The following ADGRL2 variants were observed in gnomAD, a reference collection of about 807,000 sequenced individuals.
The protein encoded by ADGRL2 is calcium-independent alpha-latrotoxin receptor 2.
A neutral mutation model predicts 157.4 loss-of-function variants in ADGRL2; 44 were observed. That is an observed-to-expected ratio of 0.28 (90% CI 0.22 to 0.36). The LOEUF (loss-of-function observed/expected upper bound fraction) is 0.36. Among genes scored for constraint, ADGRL2 ranks in the 10% least tolerant of loss-of-function variants. ADGRL2 has a pLI of 1.00. For missense variants in ADGRL2, 1,510 were observed against 1,768.9 expected (o/e 0.85, Z 2.63); for synonymous variants, 585 against 624.7 (o/e 0.94, Z 0.95).
chr1:81,964,671 G>T (rs955772869), intron 11 of ADGRL2, among the ~76,000 whole-genome samples: 2 of 152,006 alleles, frequency 1.3e-5, no homozygotes, highest in Non-Finnish European at 2.9e-5. Context: ...CTGTACAATG[G>T]TATGAGATGA....
chr1:81,456,101 A>G (rs2077799544), intron 2 of ADGRL2, among the ~76,000 whole-genome samples: 1 of 152,234 alleles, frequency 6.6e-6, no homozygotes, highest in Admixed American at 6.5e-5. Flanking sequence ...GCACTCTTAC[A>G]ATTTATTGCT....
At chr1:81,517,395 G>T (rs1316950892) in intron 2 of ADGRL2, among the ~76,000 whole-genome samples, 1 of 149,964 alleles carries the variant, frequency 6.7e-6, no homozygotes, top group Non-Finnish European at 1.5e-5. Context: ...AACCTGGGAG[G>T]TGGAGGTTGC....
chr1:81,367,952 T>G (rs925224359), intron 1 of ADGRL2, among the ~76,000 whole-genome samples: 3 of 152,228 alleles, frequency 2.0e-5, no homozygotes, highest in African/African-American at 7.2e-5. Context: ...ATTTGTTCCA[T>G]GACTTCGCTA....
At chr1:81,313,257 C>A (rs1659874838) in intron 1 of ADGRL2, among the ~76,000 whole-genome samples, 1 of 152,206 alleles carries the variant, frequency 6.6e-6, no homozygotes. Context: ...CTGTTACTAA[C>A]AAAGTGAGGC....
chr1:81,720,980 C>T (rs1171168424), intron 1 of ADGRL2, among the ~76,000 whole-genome samples: 1 of 149,910 alleles, frequency 6.7e-6, no homozygotes, highest in Non-Finnish European at 1.5e-5. Context: ...CCTACTCCCA[C>T]TAATTTAATA....
chr1:81,622,602 T>C (rs959197486), intron 3 of ADGRL2, among the ~76,000 whole-genome samples: 4 of 151,722 alleles, frequency 2.6e-5, no homozygotes, highest in East Asian at 1.9e-4. Flanking sequence ...ACCTATGTTT[T>C]TGGGGGACCA....
At position 81,691,327 on chromosome 1, in the gene ADGRL2, C is replaced by T. The variant is rs76616992; in HGVS notation, c.-142-70484C>T. ...CATTGGTATCAGTTCTGCTTGTTTT[C>T]TTTTTTTTTTTAAGCCTATAAATTG... is the stretch of plus-strand genomic sequence containing the variant. On this transcript the variant is annotated intron_variant, in intron 3 of 24. Transcript: ENST00000370721. 3.2e-3 allele frequency among the ~76,000 whole-genome samples: 197 copies of T among 61,182 alleles called. 2 individuals carry two copies. The highest frequency in any genetic ancestry group is 3.3e-3 in the Non-Finnish European group (94 of 28,534). The allele number at this position is 61,182 out of a possible 152,430, so 40.1% of individuals were successfully genotyped here.
chr1:81,573,943 T>C (rs1557473957), intron 2 of ADGRL2, among the ~76,000 whole-genome samples: 1 of 152,114 alleles, frequency 6.6e-6, no homozygotes, highest in African/African-American at 2.4e-5. Flanking sequence ...TCTAATTGAA[T>C]TGGTAAAAAT....
At chr1:81,532,910 T>A (rs2079635795) in intron 2 of ADGRL2, among the ~76,000 whole-genome samples, 1 of 151,774 alleles carries the variant, frequency 6.6e-6, no homozygotes, top group Admixed American at 6.6e-5. Context: ...GGCCACAGAG[T>A]GAGACCCTGT....
At chr1:81,803,869 C>A (rs2088705658) in intron 1 of ADGRL2, among the ~76,000 whole-genome samples, 1 of 152,156 alleles carries the variant, frequency 6.6e-6, no homozygotes, top group African/African-American at 2.4e-5. Flanking sequence ...TTCTCTGTCA[C>A]TATTTATGTG....
Position 81,485,179 on chromosome 1 carries a change from A to C in ADGRL2, c.-248+40090A>C, listed in dbSNP as rs190928599. On this transcript the variant is annotated intron_variant, in intron 2 of 24. Transcript: ENST00000370721. ...AAAAAATATGTGTTTGAAAAGCACAAAAAAAAAAAAAAAGTTTACCTGTCT... is the reference window on the plus strand; with the variant it reads ...AAAAAATATGTGTTTGAAAAGCACACAAAAAAAAAAAAAGTTTACCTGTCT... 8.8e-3 allele frequency among the ~76,000 whole-genome samples: 709 copies of C among 80,470 alleles called. 5 individuals are homozygous for C. Among genetic ancestry groups the C allele is most frequent in the Admixed American group, 0.037 (264 of 7,136 alleles). The allele number at this position is 80,470 out of a possible 152,430, so 52.8% of individuals were successfully genotyped here. A position where few individuals can be genotyped will look rare whatever the true frequency, so the allele number is the denominator to read the frequency against.
intron 1 of ADGRL2, among the ~76,000 whole-genome samples, chr1:81,743,503 A>G (rs746472011): frequency 6.6e-6 from 1 of 151,784 alleles, no homozygotes; most frequent in Admixed American, 6.6e-5. Context: ...AAAGAGAGGA[A>G]AAGGAAAGGG....
chr1:81,534,980 C>T (rs962346768), intron 2 of ADGRL2, among the ~76,000 whole-genome samples: 1 of 152,172 alleles, frequency 6.6e-6, no homozygotes, highest in Non-Finnish European at 1.5e-5. Context: ...TTCCCTCTTT[C>T]TTCCCCTACC....
intron 3 of ADGRL2, among the ~76,000 whole-genome samples, chr1:81,689,312 T>C (rs2083287507): frequency 1.3e-5 from 2 of 152,102 alleles, no homozygotes; most frequent in South Asian, 4.1e-4. Flanking sequence ...CAAAAGAATG[T>C]TAGATTTTCT....
intron 1 of ADGRL2, among the ~76,000 whole-genome samples, chr1:81,354,386 T>G (rs1663129518): frequency 6.6e-6 from 1 of 152,206 alleles, no homozygotes. Flanking sequence ...ATACTCTGAA[T>G]GCAAAAATAT....
chr1:81,621,254 T>A (rs2081783851), intron 3 of ADGRL2, among the ~76,000 whole-genome samples: 1 of 152,152 alleles, frequency 6.6e-6, no homozygotes, highest in Non-Finnish European at 1.5e-5. Flanking sequence ...CAGTGTATTT[T>A]GATTTGTGAG....
intron 2 of ADGRL2, among the ~76,000 whole-genome samples, chr1:81,788,881 A>G (rs965972703): frequency 1.1e-4 from 16 of 152,096 alleles, no homozygotes; most frequent in Middle Eastern, 3.4e-3. Context: ...AAGCCCAGCT[A>G]ATTTTCTTGT....
chr1:81,592,737 C>A (rs1319241709), intron 3 of ADGRL2, among the ~76,000 whole-genome samples: 1 of 152,062 alleles, frequency 6.6e-6, no homozygotes, highest in Non-Finnish European at 1.5e-5. Context: ...AGCTCTGGAG[C>A]ACCAGAGGTC....
At chr1:81,530,662 T>A (rs2079574866) in intron 2 of ADGRL2, among the ~76,000 whole-genome samples, 1 of 152,084 alleles carries the variant, frequency 6.6e-6, no homozygotes, top group Admixed American at 6.5e-5. Flanking sequence ...ATCTTCATCA[T>A]ACTCAGCTTC....
Sources: gnomAD v4.1 joint callset for allele counts (sites outside exome capture counted in the v4.1 genomes callset) on GRCh38, gnomAD v4.1.1 for gene constraint, MANE v1.5 for transcripts, NCBI Gene and HGNC (gene_info 2026-07-23, HGNC 2026-07-21) for gene names.